The following DOCK8 variants were observed in gnomAD, a reference collection of about 807,000 sequenced individuals.
The protein encoded by DOCK8 is dedicator of cytokinesis 8.
In DOCK8, 141 loss-of-function variants were observed where a neutral mutation model predicts 245.6. That is an observed-to-expected ratio of 0.57 (90% CI 0.50 to 0.66). DOCK8 has a LOEUF of 0.66. DOCK8 is among the 30% of genes least tolerant of loss of function. The pLI, the probability that DOCK8 is intolerant of heterozygous loss-of-function variation, is 0.00. For missense variants in DOCK8, 2,965 were observed against 2,603.4 expected (o/e 1.14, Z -3.02); for synonymous variants, 1,168 against 970.2 (o/e 1.20, Z -3.79).
At chr9:377,644 CTATTT>C (rs776134475) in intron 20 of DOCK8, among the ~76,000 whole-genome samples, 33 of 152,208 alleles carry the variant, frequency 2.2e-4, no homozygotes, top group Non-Finnish European at 4.0e-4. Flanking sequence ...CATAAACTCA[CTATTT>C]TAAAGTGTAT....
intron 14 of DOCK8, among the ~76,000 whole-genome samples, chr9:353,525 C>G (rs1414322356): frequency 6.6e-6 from 1 of 152,254 alleles, no homozygotes; most frequent in East Asian, 1.9e-4. Flanking sequence ...TGGAAGCGTT[C>G]TGGTATTTAT....
At chr9:400,388 T>TCTTCACCATCAC (rs1564013694) in intron 26 of DOCK8, among the ~76,000 whole-genome samples, 1 of 14,244 alleles carries the variant, frequency 7.0e-5, no homozygotes, top group African/African-American at 5.1e-4. Context: ...ACCATCACCA[T>TCTTCACCATCAC]CACCACCACC....
At chr9:304,768 A>T in intron 5 of DOCK8, 64 bp downstream of exon 5, 1 of 1,611,388 alleles carries the variant, frequency 6.2e-7, no homozygotes, top group Non-Finnish European at 8.5e-7. Context: ...GCATGCTGTC[A>T]GTTTTACAAA....
At chr9:247,728 G>A (rs764061568) in intron 1 of DOCK8, among the ~76,000 whole-genome samples, 5 of 151,788 alleles carry the variant, frequency 3.3e-5, no homozygotes, top group African/African-American at 7.3e-5. Flanking sequence ...TAGTAGAGAC[G>A]GGGTTTCATC....
At chr9:283,579 G>A (rs756797582) in intron 2 of DOCK8, among the ~76,000 whole-genome samples, 29 of 152,194 alleles carry the variant, frequency 1.9e-4, no homozygotes, top group Middle Eastern at 3.4e-3. Context: ...AGCCTTTCAT[G>A]TCTAGCATTC....
chr9:398,916 G>A (rs930446935), intron 25 of DOCK8, among the ~76,000 whole-genome samples: 11 of 152,008 alleles, frequency 7.2e-5, no homozygotes, highest in Non-Finnish European at 1.5e-4. Context: ...AGAAAAAAAA[G>A]TGACTGGAAG....
At chr9:428,600 A>G in intron 35 of DOCK8, 104 bp downstream of exon 35, 1 of 1,422,172 alleles carries the variant, frequency 7.0e-7, no homozygotes, top group East Asian at 2.4e-5. Context: ...GAGCATATTA[A>G]GTGGCATCAC....
At chr9:379,415 C>T (rs2053648154) in intron 20 of DOCK8, among the ~76,000 whole-genome samples, 1 of 152,128 alleles carries the variant, frequency 6.6e-6, no homozygotes, top group Non-Finnish European at 1.5e-5. Context: ...TGAGATTCTG[C>T]ATTTCTTAGT....
upstream of DOCK8, chr9:214,424 A>ATCC: frequency 2.1e-6 from 3 of 1,398,526 alleles, no homozygotes; most frequent in South Asian, 3.8e-5. Flanking sequence ...GTTGATTTGA[A>ATCC]TCCTGATAGA....
At chr9:395,555 G>GTAGTAGTAGTA (rs1355770347) in intron 24 of DOCK8, among the ~76,000 whole-genome samples, 1 of 152,020 alleles carries the variant, frequency 6.6e-6, no homozygotes, top group Non-Finnish European at 1.5e-5. Context: ...AGTAGTAGTA[G>GTAGTAGTAGTA]TAGTAGTAGT....
At chr9:432,617 T>C (rs2056758828) in intron 37 of DOCK8, among the ~76,000 whole-genome samples, 1 of 152,108 alleles carries the variant, frequency 6.6e-6, no homozygotes, top group Non-Finnish European at 1.5e-5. Flanking sequence ...GGTAAGGAGC[T>C]AAATGCTATG....
At chr9:385,362 A>G (rs578189015) in intron 22 of DOCK8, among the ~76,000 whole-genome samples, 3 of 152,354 alleles carry the variant, frequency 2.0e-5, no homozygotes, top group Non-Finnish European at 4.4e-5. Flanking sequence ...AGAGAAATGC[A>G]ATGAAAGTCA....
At chr9:245,337 T>C (rs2047482899) in intron 1 of DOCK8, among the ~76,000 whole-genome samples, 1 of 152,096 alleles carries the variant, frequency 6.6e-6, no homozygotes, top group Non-Finnish European at 1.5e-5. Context: ...CCCCAATAGC[T>C]AGGATTACAG....
chr9:280,220 C>G (rs1462304191), intron 2 of DOCK8, among the ~76,000 whole-genome samples: 1 of 152,026 alleles, frequency 6.6e-6, no homozygotes, highest in Non-Finnish European at 1.5e-5. Flanking sequence ...TTGTGTGTTT[C>G]TAGTCTACTG....
At chr9:411,600 T>C (rs977698983) in intron 28 of DOCK8, among the ~76,000 whole-genome samples, 2 of 152,148 alleles carry the variant, frequency 1.3e-5, no homozygotes, top group African/African-American at 4.8e-5. Context: ...ACTTGTTCTA[T>C]GAAGCTAGCA....
At chr9:262,370 C>G (rs1455812534) in intron 1 of DOCK8, among the ~76,000 whole-genome samples, 1 of 151,280 alleles carries the variant, frequency 6.6e-6, no homozygotes, top group East Asian at 2.0e-4. Context: ...GATTTGAACA[C>G]AAATGTTTAC....
In DOCK8 at chr9:372,293, G is replaced by C; in HGVS notation, c.2109+7G>C. On this transcript the variant is annotated splice_region_variant and intron_variant, in intron 18 of 47. Transcript: ENST00000432829. Reference sequence around the variant, plus strand: ...CTCCATGCATTCTGCTGAGGTAATTGGCAAGCTGGCCATCAGCTGTTTCTT... The same window carrying C: ...CTCCATGCATTCTGCTGAGGTAATTCGCAAGCTGGCCATCAGCTGTTTCTT... 1.2e-6 allele frequency: 2 copies of C among 1,609,022 alleles called. No homozygotes were observed. Among genetic ancestry groups the C allele is most frequent in the South Asian group, 2.2e-5 (2 of 90,958 alleles).
At position 437,105 on chromosome 9, in the gene DOCK8, T is replaced by G. The variant is rs368421382; in HGVS notation, c.5079+2130T>G. On this transcript the variant is annotated intron_variant, in intron 39 of 47. Transcript: ENST00000432829. Reference sequence around the variant, plus strand: ...CTCAAATGGGACATACCAAATCAATTTGGAAATGTAGCTGGCAAGTGAAAG... The same window carrying G: ...CTCAAATGGGACATACCAAATCAATGTGGAAATGTAGCTGGCAAGTGAAAG... Among the ~76,000 whole-genome samples, 321 of 152,278 alleles carry G rather than the reference T, an allele frequency of 2.1e-3. 14 individuals are homozygous for G. In the South Asian group the frequency reaches 0.065, roughly 31 times the overall value.
chr9:376,934 T>C (rs777809204), intron 19 of DOCK8, 43 bp from the exon 20 acceptor site: 22 of 1,554,492 alleles, frequency 1.4e-5, no homozygotes, highest in Non-Finnish European at 1.9e-5. Context: ...TGGTGAACAT[T>C]GATGGTATAA....
Sources: gnomAD v4.1 joint callset for allele counts (sites outside exome capture counted in the v4.1 genomes callset) on GRCh38, gnomAD v4.1.1 for gene constraint, MANE v1.5 for transcripts, NCBI Gene and HGNC (gene_info 2026-07-23, HGNC 2026-07-21) for gene names.